Variants in GPC1 observed in about 807,000 individuals in gnomAD.
The protein encoded by GPC1 is glypican-1.
A neutral mutation model predicts 51.5 loss-of-function variants in GPC1; 26 were observed. The observed-to-expected ratio is 0.50, with a 90% confidence interval of 0.37 to 0.70. GPC1 has a LOEUF of 0.70. Among genes scored for constraint, GPC1 ranks in the 30% least tolerant of loss-of-function variants. The pLI is 0.00. For synonymous variants in GPC1, 380 were observed against 348.3 expected (o/e 1.09, Z -1.01); for missense variants, 775 against 800.5 (o/e 0.97, Z 0.38).
intron 8 of GPC1, 93 bp from the exon 9 acceptor site, chr2:240,465,965 T>G (rs1425366508): frequency 8.6e-6 from 6 of 701,256 alleles, no homozygotes; most frequent in Admixed American, 2.5e-5. Context: ...ACCGAAAGGA[T>G]GTTGGGGTCA....
chr2:240,452,427 G>C (rs1244907533), intron 1 of GPC1: 2 of 152,324 alleles, frequency 1.3e-5, no homozygotes, highest in East Asian at 1.9e-4. Flanking sequence ...GGACAGCGGT[G>C]GTCAGCTGCC....
intron 1 of GPC1, chr2:240,451,640 C>T (rs1419253870): frequency 2.2e-5 from 5 of 223,418 alleles, no homozygotes; most frequent in East Asian, 1.6e-4. Flanking sequence ...GCCAAGACAC[C>T]GGGTCCTGGG....
chr2:240,453,825 C>T (rs946006595), intron 1 of GPC1, among the ~76,000 whole-genome samples: 4 of 151,974 alleles, frequency 2.6e-5, no homozygotes, highest in African/African-American at 7.2e-5. Context: ...CCCAGGGCGG[C>T]GACGCTGCCG....
intron 8 of GPC1, 22 bp from the exon 9 acceptor site, chr2:240,466,036 C>T (rs768509926): frequency 5.2e-6 from 8 of 1,538,292 alleles, no homozygotes; most frequent in East Asian, 2.3e-5. Flanking sequence ...ACCTGCCTGC[C>T]GGAGCCTCCT....
rs1024025805 is a variant in GPC1 at position 240,466,589 on chromosome 2, G to A, written c.*299G>A. ...AGCCCTCCCCCCAGCTCCCTGCACCGCCGCAGAAGCAGCCCCTCGAGGCCT... is the reference window on the plus strand; with the variant it reads ...AGCCCTCCCCCCAGCTCCCTGCACCACCGCAGAAGCAGCCCCTCGAGGCCT... On this transcript the variant is annotated 3_prime_UTR_variant, in exon 9 of 9. Transcript: ENST00000264039. 1.0e-5 allele frequency: 4 copies of A among 399,720 alleles called. No individual in the cohort carries two copies. The highest frequency in any genetic ancestry group is 4.2e-5 in the East Asian group (1 of 24,084). The allele number at this position is 399,720 out of a possible 1,614,324, so 24.8% of individuals were successfully genotyped here.
chr2:240,450,013 G>GT, intron 1 of GPC1: 2 of 427,186 alleles, frequency 4.7e-6, no homozygotes, highest in South Asian at 3.4e-5. Flanking sequence ...GAGCATGGGT[G>GT]TATGAGGAGC....
intron 2 of GPC1, among the ~76,000 whole-genome samples, chr2:240,461,515 T>C (rs2074215795): frequency 6.6e-6 from 1 of 152,070 alleles, no homozygotes; most frequent in African/African-American, 2.4e-5. Flanking sequence ...CTGCAGCACA[T>C]GTGGAGGTCT....
At position 240,453,412 on chromosome 2, in the gene GPC1, C is replaced by T. The variant is rs1270900847; in HGVS notation, c.167-5618C>T. Among the ~76,000 whole-genome samples the T allele has an allele frequency of 8.0e-4, 36 of 44,796 alleles. 4 individuals are homozygous for T. The highest frequency in any genetic ancestry group is 3.7e-3 in the African/African-American group (35 of 9,546). 29.4% of individuals were successfully genotyped at this position (44,796 alleles called of 152,430 possible). On this transcript the variant is annotated intron_variant, in intron 1 of 8. Coordinates refer to ENST00000264039, the MANE Select transcript of GPC1 (RefSeq NM_002081.3). ...CCGCCCGCCCCGCTCCCTCCGCCCG[C>T]CCCGCTCCCTCCGCCCGCCCCGCTC...
At chr2:240,453,779 C>T (rs926669777) in intron 1 of GPC1, among the ~76,000 whole-genome samples, 3 of 151,726 alleles carry the variant, frequency 2.0e-5, no homozygotes, top group African/African-American at 2.4e-5. Flanking sequence ...TCCCTGGCCG[C>T]GGCGGCTGGC....
chr2:240,442,159 C>T (rs1013692786), intron 1 of GPC1, among the ~76,000 whole-genome samples: 11 of 150,560 alleles, frequency 7.3e-5, no homozygotes, highest in African/African-American at 2.0e-4. Context: ...CCACAGCACC[C>T]GCCTCCTCCG....
intron 7 of GPC1, 78 bp from the exon 8 acceptor site, chr2:240,465,395 G>A: frequency 6.9e-7 from 1 of 1,446,786 alleles, no homozygotes; most frequent in East Asian, 2.3e-5. Context: ...CTCAGAGCGT[G>A]GGAGAGTGTC....
At chr2:240,441,578 C>A (rs2074017154) in intron 1 of GPC1, among the ~76,000 whole-genome samples, 1 of 152,230 alleles carries the variant, frequency 6.6e-6, no homozygotes, top group South Asian at 2.1e-4. Flanking sequence ...CTGGATCTTG[C>A]CAGTCGCCAG....
chr2:240,458,350 T>C (rs1429987055), intron 1 of GPC1: 2 of 271,592 alleles, frequency 7.4e-6, no homozygotes, highest in African/African-American at 4.4e-5. Flanking sequence ...CCTCGGACGC[T>C]GGAGCAGAGT....
intron 1 of GPC1, among the ~76,000 whole-genome samples, chr2:240,453,815 C>A (rs931112434): frequency 2.6e-5 from 4 of 152,132 alleles, no homozygotes; most frequent in African/African-American, 7.2e-5. Flanking sequence ...GCCCGGGACC[C>A]CCAGGGCGGC....
chr2:240,453,999 C>T (rs1553546734), intron 1 of GPC1, among the ~76,000 whole-genome samples: 1 of 150,724 alleles, frequency 6.6e-6, no homozygotes, highest in Non-Finnish European at 1.5e-5. Flanking sequence ...TCGCAGTGCG[C>T]GGCGGAGGTT....
intron 1 of GPC1, chr2:240,449,434 T>C (rs997439759): frequency 5.6e-6 from 1 of 177,182 alleles, no homozygotes; most frequent in African/African-American, 2.4e-5. Context: ...GTGTCCCAAA[T>C]ACTTTCATTT....
chr2:240,449,773 T>TA (rs1378248738), intron 1 of GPC1: 1 of 462,244 alleles, frequency 2.2e-6, no homozygotes, highest in Admixed American at 2.4e-5. Flanking sequence ...CCGACTCCTC[T>TA]AGGGACCTCA....
In GPC1 at chr2:240,435,836, C is replaced by T. The variant is rs1391717726; in HGVS notation, c.-83C>T. 2.1e-6 allele frequency: 2 copies of T among 936,114 alleles called. No individual in the cohort carries two copies. The highest frequency in any genetic ancestry group is 2.8e-6 in the Non-Finnish European group (2 of 726,188). 58.0% of individuals were successfully genotyped at this position (936,114 alleles called of 1,614,324 possible). A position where few individuals can be genotyped will look rare whatever the true frequency, so the allele number is the denominator to read the frequency against. On this transcript the variant is annotated 5_prime_UTR_variant, in exon 1 of 9. Coordinates refer to ENST00000264039, the MANE Select transcript of GPC1 (RefSeq NM_002081.3). ...CGCGCGCCGGGACCTTGGCTCTGCCCTTCGCGGGCGGGAACTGCGCAGGAC... is the reference window on the plus strand; with the variant it reads ...CGCGCGCCGGGACCTTGGCTCTGCCTTTCGCGGGCGGGAACTGCGCAGGAC...
intron 2 of GPC1, 143 bp from the exon 3 acceptor site, chr2:240,462,048 C>G (rs910784691): frequency 3.7e-6 from 3 of 820,820 alleles, no homozygotes; most frequent in Non-Finnish European, 3.6e-6. Context: ...ACAGGGCCCA[C>G]AGCCGCTGCA....
Sources: allele counts gnomAD v4.1 joint callset (sites outside exome capture counted in the v4.1 genomes callset), GRCh38; gene constraint gnomAD v4.1.1; transcripts MANE v1.5; gene names NCBI Gene and HGNC (gene_info 2026-07-23, HGNC 2026-07-21).